The following KCNQ3 variants were observed in gnomAD, a reference collection of about 807,000 sequenced individuals.
KCNQ3 encodes the protein potassium voltage-gated channel subfamily Q member 3, also known as potassium voltage-gated channel subfamily KQT member 3.
In KCNQ3, 30 loss-of-function variants were observed where a neutral mutation model predicts 92.5. The ratio of observed to expected loss-of-function variants is 0.32; its 90% CI spans 0.24 to 0.44. The LOEUF (loss-of-function observed/expected upper bound fraction) is 0.44, where lower values mean the gene tolerates loss of function less well. KCNQ3 is among the 20% of genes least tolerant of loss of function. KCNQ3 has a pLI of 1.00. For missense variants in KCNQ3, 913 were observed against 1,140.3 expected, an observed-to-expected ratio of 0.80 and a Z score of 2.87; for synonymous variants, 450 against 468.8, an observed-to-expected ratio of 0.96 and a Z score of 0.52.
chr8:132,452,278 C>G (rs750407371), intron 1 of KCNQ3, among the ~76,000 whole-genome samples: 3 of 152,146 alleles, frequency 2.0e-5, no homozygotes, highest in Non-Finnish European at 2.9e-5. Flanking sequence ...TGGCAACCAC[C>G]GCCCCACTCT....
intron 1 of KCNQ3, among the ~76,000 whole-genome samples, chr8:132,250,300 A>G (rs530590123): frequency 1.3e-5 from 2 of 152,318 alleles, no homozygotes; most frequent in South Asian, 4.1e-4. Context: ...CAAGGAGACA[A>G]ACAGATTCCT....
intron 1 of KCNQ3, among the ~76,000 whole-genome samples, chr8:132,242,135 G>A (rs1179316453): frequency 1.3e-5 from 2 of 152,140 alleles, no homozygotes. Context: ...GAGTCATGTC[G>A]AATGGCAAGT....
At position 132,124,634 on chromosome 8, in the gene KCNQ3, A is replaced by G. The variant is rs1824605412; in HGVS notation, c.*4628T>C. On this transcript the variant is annotated 3_prime_UTR_variant, in exon 15 of 15. Coordinates refer to ENST00000388996, the MANE Select transcript of KCNQ3 (RefSeq NM_004519.4). The stretch of plus-strand genomic sequence containing the variant: ...CTGCCTGCTGGCTTGTTTAGGGGCC[A>G]GTTGGCTCAGTTTGGAATGGTTTAA... The G allele has an allele frequency of 6.6e-6, 1 of 152,260 alleles. No homozygotes were observed. 9.4% of individuals were successfully genotyped at this position (152,260 alleles called of 1,614,324 possible).
chr8:132,381,605 T>TTATTCAAC (rs1331447137), intron 1 of KCNQ3, among the ~76,000 whole-genome samples: 2 of 152,328 alleles, frequency 1.3e-5, no homozygotes, highest in African/African-American at 4.8e-5. Flanking sequence ...TAGAGCTCGT[T>TTATTCAAC]TATTCAACAA....
At chr8:132,146,929 A>G (rs1825468005) in intron 9 of KCNQ3, among the ~76,000 whole-genome samples, 1 of 152,206 alleles carries the variant, frequency 6.6e-6, no homozygotes, top group Non-Finnish European at 1.5e-5. Context: ...AAGTGCTGGG[A>G]TTAGAGGCGT....
At chr8:132,289,095 G>A (rs751071385) in intron 1 of KCNQ3, among the ~76,000 whole-genome samples, 20 of 152,152 alleles carry the variant, frequency 1.3e-4, no homozygotes, top group Admixed American at 3.3e-4. Flanking sequence ...TTGAATATAA[G>A]AGGTAGGTTA....
At chr8:132,322,781 T>G (rs1018313971) in intron 1 of KCNQ3, among the ~76,000 whole-genome samples, 4 of 152,182 alleles carry the variant, frequency 2.6e-5, no homozygotes, top group Non-Finnish European at 5.9e-5. Flanking sequence ...GGCTCAAGAC[T>G]ATACAGGCTT....
intron 1 of KCNQ3, chr8:132,186,640 A>T (rs1245253077): frequency 3.3e-6 from 1 of 305,970 alleles, no homozygotes; most frequent in Non-Finnish European, 6.3e-6. Context: ...AGATTGAAAA[A>T]TTCAGCAAAG....
intron 1 of KCNQ3, among the ~76,000 whole-genome samples, chr8:132,209,544 AAC>A (rs35210912): frequency 3.6e-4 from 49 of 135,394 alleles, no homozygotes; most frequent in East Asian, 3.4e-3. Flanking sequence ...CACACACACA[AAC>A]ACACACACAC....
chr8:132,318,084 C>T (rs1432676800), intron 1 of KCNQ3, among the ~76,000 whole-genome samples: 1 of 152,146 alleles, frequency 6.6e-6, no homozygotes, highest in Admixed American at 6.5e-5. Context: ...ATATGGGGTA[C>T]ATGGAGATTT....
intron 1 of KCNQ3, among the ~76,000 whole-genome samples, chr8:132,392,049 G>A (rs1274826416): frequency 3.3e-5 from 5 of 152,110 alleles, no homozygotes; most frequent in Admixed American, 3.3e-4. Flanking sequence ...AAACCATGGT[G>A]GACTTTAATT....
chr8:132,335,999 G>C (rs1448367915), intron 1 of KCNQ3, among the ~76,000 whole-genome samples: 1 of 152,174 alleles, frequency 6.6e-6, no homozygotes, highest in Non-Finnish European at 1.5e-5. Flanking sequence ...TTGTAGAGAA[G>C]AGGATCCTTC....
intron 1 of KCNQ3, among the ~76,000 whole-genome samples, chr8:132,305,872 GT>G (rs1332268435): frequency 5.3e-5 from 7 of 131,774 alleles, no homozygotes; most frequent in Non-Finnish European, 7.9e-5. Flanking sequence ...TTTTTGGGGG[GT>G]TTTTTGTTTG....
At chr8:132,358,830 T>C (rs932746565) in intron 1 of KCNQ3, among the ~76,000 whole-genome samples, 2 of 152,174 alleles carry the variant, frequency 1.3e-5, no homozygotes, top group Non-Finnish European at 2.9e-5. Flanking sequence ...TTTCAATGCA[T>C]TCTCAAAAGG....
intron 1 of KCNQ3, among the ~76,000 whole-genome samples, chr8:132,333,948 G>A (rs958061802): frequency 1.4e-4 from 21 of 151,906 alleles, no homozygotes; most frequent in East Asian, 3.9e-4. Context: ...GGCCAGGCTC[G>A]TCTCGAACTC....
Position 132,470,971 on chromosome 8 carries a change from C to T in KCNQ3, c.386+9176G>A, listed in dbSNP as rs375980978. 1.3e-4 allele frequency among the ~76,000 whole-genome samples: 20 copies of T among 152,242 alleles called. 1 individual carries two copies. The South Asian group carries it at 2.1e-3, about 16-fold the overall frequency. On this transcript the variant is annotated intron_variant, in intron 1 of 14. Transcript: ENST00000388996. ...TATGTTGTACATTTCCACTGAATTA[C>T]GTCAGAAGGATGGGTTAGTTTGTCT... is the stretch of plus-strand genomic sequence containing the variant.
chr8:132,324,359 T>A (rs2130644387), intron 1 of KCNQ3, among the ~76,000 whole-genome samples: 1 of 152,330 alleles, frequency 6.6e-6, no homozygotes, highest in East Asian at 1.9e-4. Context: ...TGCCTCTGCA[T>A]CCCTAATCTC....
At chr8:132,461,067 A>G (rs1822048825) in intron 1 of KCNQ3, among the ~76,000 whole-genome samples, 1 of 152,202 alleles carries the variant, frequency 6.6e-6, no homozygotes, top group African/African-American at 2.4e-5. Flanking sequence ...TCATGACTTA[A>G]TATCTCATTT....
At chr8:132,182,379 G>A (rs950036877) in intron 3 of KCNQ3, among the ~76,000 whole-genome samples, 2 of 152,340 alleles carry the variant, frequency 1.3e-5, no homozygotes, top group South Asian at 2.1e-4. Flanking sequence ...GTTCATGGGC[G>A]TGATAACCAT....
Sources: allele counts gnomAD v4.1 joint callset (sites outside exome capture counted in the v4.1 genomes callset), GRCh38; gene constraint gnomAD v4.1.1; transcripts MANE v1.5; gene names NCBI Gene and HGNC (gene_info 2026-07-23, HGNC 2026-07-21).